Variants in WDR41 observed in about 807,000 individuals in gnomAD.
WDR41 encodes WD repeat domain 41.
Under a neutral mutation model 69.3 loss-of-function variants are expected in WDR41, and 63 were observed. That is an observed-to-expected ratio of 0.91 (90% CI 0.74 to 1.12). The LOEUF is 1.12. WDR41 is among the 50% of genes most tolerant of loss of function. The pLI, the probability that WDR41 is intolerant of heterozygous loss-of-function variation, is 0.00. For synonymous variants in WDR41, 185 were observed against 192.1 expected, an observed-to-expected ratio of 0.96 and a Z score of 0.31; for missense variants, 543 against 534.5, an observed-to-expected ratio of 1.02 and a Z score of -0.16.
chr5:77,455,076 G>A (rs576311920), intron 5 of WDR41, among the ~76,000 whole-genome samples: 1 of 151,998 alleles, frequency 6.6e-6, no homozygotes, highest in Admixed American at 6.6e-5. Context: ...GTTTTCCAAG[G>A]TGGCTGTATT....
intron 1 of WDR41, among the ~76,000 whole-genome samples, chr5:77,498,621 C>T (rs1431578073): frequency 6.6e-6 from 1 of 151,934 alleles, no homozygotes; most frequent in African/African-American, 2.4e-5. Context: ...GAGTTCAAGA[C>T]CAGATTGGGC....
intron 12 of WDR41, among the ~76,000 whole-genome samples, chr5:77,435,657 A>C (rs555108977): frequency 2.6e-5 from 4 of 152,344 alleles, no homozygotes; most frequent in Non-Finnish European, 4.4e-5. Flanking sequence ...TCTCACAGCT[A>C]ATCTGTTACC....
At chr5:77,559,906 A>G (rs976842637) in intron 1 of WDR41, among the ~76,000 whole-genome samples, 1 of 152,112 alleles carries the variant, frequency 6.6e-6, no homozygotes, top group African/African-American at 2.4e-5. Flanking sequence ...TGGATTCCTA[A>G]CAAAGTCATC....
rs540813510 is a variant in WDR41 at position 77,488,396 on chromosome 5, T to C, written c.167+1061A>G. ...TGGGAAGACAGCTTGAGCCCAGGAG[T>C]TGCCCACCAGCCTGGGCAACATAGT... On this transcript the variant is annotated intron_variant, in intron 2 of 12. Coordinates refer to ENST00000296679, the MANE Select transcript of WDR41 (RefSeq NM_018268.4). Among the ~76,000 whole-genome samples, 3 of 146,078 alleles carry C rather than the reference T, an allele frequency of 2.1e-5. No homozygotes were observed. In the South Asian group the frequency reaches 6.5e-4, roughly 32 times the overall value.
At chr5:77,539,046 C>T (rs1227822960) in intron 1 of WDR41, among the ~76,000 whole-genome samples, 1 of 152,084 alleles carries the variant, frequency 6.6e-6, no homozygotes, top group Non-Finnish European at 1.5e-5. Context: ...TTGCAGGTGG[C>T]CATCTTGCTG....
Position 77,440,846 on chromosome 5 carries a change from G to A in WDR41, c.849C>T (p.Asp283=), listed in dbSNP as rs1444290732. 6.2e-7 allele frequency: 1 copy of A among 1,614,106 alleles called. No homozygotes were observed. Among genetic ancestry groups the A allele is most frequent in the South Asian group, 1.1e-5 (1 of 91,082 alleles). ...CACATGTGAAATGATGAATAGAAAT[G>A]TCATTTGATTTTTGACAGAGTTTTA... is the stretch of plus-strand genomic sequence containing the variant. ...QEIKLCQKSN[D]ISIHHFTCDE... is the part of the protein sequence containing the mutation. Residue 283 remains aspartate, a synonymous_variant, in exon 9 of 13, where the codon GAC becomes GAT. Coordinates refer to ENST00000296679, the MANE Select transcript of WDR41 (RefSeq NM_018268.4).
chr5:77,553,339 G>A (rs189052711), intron 1 of WDR41, among the ~76,000 whole-genome samples: 1 of 152,258 alleles, frequency 6.6e-6, no homozygotes, highest in African/African-American at 2.4e-5. Flanking sequence ...GACAAATGCT[G>A]TGTTCTCAAA....
rs759040761 is a variant in WDR41 at position 77,449,780 on chromosome 5, A to G, written c.677T>C (p.Leu226Pro). The stretch of plus-strand genomic sequence containing the variant: ...CTTACCATTGACATTAATCAATGAG[A>G]GAATATTATCCTGGTGATCAAGGAG... ...KRLLDHQDNI[L>P]SLINVNDLSF... Residue 226 changes from leucine to proline, a missense_variant, in exon 8 of 13, where the codon CTC becomes CCC. Transcript: ENST00000296679. 3 of 1,611,128 alleles carry G rather than the reference A, an allele frequency of 1.9e-6. No individual in the cohort carries two copies. The highest frequency in any genetic ancestry group is 2.2e-5 in the South Asian group (2 of 90,986).
At chr5:77,541,548 A>T (rs1743089160) in intron 1 of WDR41, among the ~76,000 whole-genome samples, 1 of 135,020 alleles carries the variant, frequency 7.4e-6, no homozygotes. Flanking sequence ...GCTAGAGTGC[A>T]GTGGCGCGAT....
In WDR41 at chr5:77,473,139, G is replaced by A. The variant is rs567174410; in HGVS notation, c.168-8330C>T. Among the ~76,000 whole-genome samples, 18 of 151,754 alleles carry A rather than the reference G, an allele frequency of 1.2e-4. No individual in the cohort carries two copies. The East Asian group carries it at 3.1e-3, about 26-fold the overall frequency. On this transcript the variant is annotated intron_variant, in intron 2 of 12. Transcript: ENST00000296679. ...GAACAGAGCCCTCAGAAATAACGCC[G>A]CATATCTACAACCATCTGATCTTTG...
chr5:77,449,690 G>T, intron 8 of WDR41, 70 bp downstream of exon 8: 1 of 970,500 alleles, frequency 1.0e-6, no homozygotes, highest in Non-Finnish European at 1.6e-6. Context: ...ACTAAGCAAG[G>T]CTCGTGTTCA....
chr5:77,554,810 T>A (rs1292608516), intron 1 of WDR41, among the ~76,000 whole-genome samples: 1 of 152,022 alleles, frequency 6.6e-6, no homozygotes, highest in Admixed American at 6.6e-5. Flanking sequence ...GATACAAGAA[T>A]CTACATAGCT....
chr5:77,605,441 G>A (rs1055913382), intron 1 of WDR41, among the ~76,000 whole-genome samples: 4 of 152,148 alleles, frequency 2.6e-5, no homozygotes, highest in Admixed American at 6.5e-5. Flanking sequence ...AGTGGTGTGT[G>A]GTGGAAGTTG....
chr5:77,592,612 C>T (rs1744153508), intron 1 of WDR41, among the ~76,000 whole-genome samples: 1 of 152,096 alleles, frequency 6.6e-6, no homozygotes, highest in East Asian at 1.9e-4. Context: ...AAGAAAAGGG[C>T]AACAGAGGTG....
At chr5:77,586,150 A>C (rs1465697583) in intron 1 of WDR41, among the ~76,000 whole-genome samples, 1 of 151,878 alleles carries the variant, frequency 6.6e-6, no homozygotes, top group Non-Finnish European at 1.5e-5. Context: ...TTTCATTTGC[A>C]AAAAAAAGTT....
chr5:77,524,492 T>C (rs1367149536), intron 1 of WDR41, among the ~76,000 whole-genome samples: 1 of 152,128 alleles, frequency 6.6e-6, no homozygotes, highest in Non-Finnish European at 1.5e-5. Flanking sequence ...CTTGGGAGGC[T>C]GAAATGGGAG....
rs570039436 is a variant in WDR41, at chr5:77,562,516, C to A, written c.42+57963G>T. Among the ~76,000 whole-genome samples the A allele has an allele frequency of 1.4e-4, 22 of 152,206 alleles. No homozygotes were observed. The South Asian group carries it at 4.6e-3, about 32-fold the overall frequency. On this transcript the variant is annotated intron_variant, in intron 1 of 5. Coordinates refer to the WDR41 transcript ENST00000509971. The stretch of plus-strand genomic sequence containing the variant: ...GGGAACTAACAATCAGTTGATGTGT[C>A]CTTTGTTTCAACTGTAGTTGTTAAT...
chr5:77,495,454 C>T (rs1035482424), upstream of WDR41, among the ~76,000 whole-genome samples: 12 of 151,886 alleles, frequency 7.9e-5, no homozygotes, highest in African/African-American at 2.7e-4. Flanking sequence ...TTACTACTGA[C>T]TTTGCAGAGA....
chr5:77,487,523 G>A (rs1236034943), intron 2 of WDR41, among the ~76,000 whole-genome samples: 2 of 152,180 alleles, frequency 1.3e-5, no homozygotes, highest in African/African-American at 4.8e-5. Context: ...ATATATATGA[G>A]ACAAATCTTT....
Sources: allele counts gnomAD v4.1 joint callset (sites outside exome capture counted in the v4.1 genomes callset), GRCh38; gene constraint gnomAD v4.1.1; transcripts MANE v1.5; gene names NCBI Gene and HGNC (gene_info 2026-07-23, HGNC 2026-07-21).